The following WDPCP variants were observed in gnomAD, a reference collection of about 807,000 sequenced individuals.
WDPCP encodes WD repeat-containing and planar cell polarity effector protein fritz homolog.
WDPCP carries 71 observed loss-of-function variants against 93.1 expected under a neutral mutation model. The observed-to-expected ratio is 0.76, with a 90% CI of 0.63 to 0.93. The LOEUF (loss-of-function observed/expected upper bound fraction) is 0.93, where lower values mean the gene tolerates loss of function less well. Among genes scored for constraint, WDPCP ranks in the 40% least tolerant of loss-of-function variants. WDPCP has a pLI of 0.00. For missense variants in WDPCP, 844 were observed against 887.4 expected (o/e 0.95, Z 0.62); for synonymous variants, 315 against 315.0 (o/e 1.00, Z 0.00).
chr2:63,234,873 A>T (rs1679246073), intron 14 of WDPCP, among the ~76,000 whole-genome samples: 1 of 152,170 alleles, frequency 6.6e-6, no homozygotes, highest in Admixed American at 6.5e-5. Flanking sequence ...CAGATTAATA[A>T]CTATTTGTAA....
At chr2:63,817,770 A>G (rs1032299933) in intron 1 of WDPCP, among the ~76,000 whole-genome samples, 2 of 152,186 alleles carry the variant, frequency 1.3e-5, no homozygotes. Flanking sequence ...AGTGAGGGGG[A>G]AAAATTATAG....
At position 63,405,532 on chromosome 2, in the gene WDPCP, AGTGTGTGTGTGTGTGTGTGTGTGT is replaced by A. The variant is rs55807956; in HGVS notation, c.826-899_826-876del. Among the ~76,000 whole-genome samples, 173 of 125,008 alleles carry A rather than the reference AGTGTGTGTGTGTGTGTGTGTGTGT, an allele frequency of 1.4e-3. 1 individual carries two copies. In the Middle Eastern group the frequency reaches 0.021, roughly 15 times the overall value. 82.0% of individuals were successfully genotyped at this position (125,008 alleles called of 152,430 possible). A position where few individuals can be genotyped will look rare whatever the true frequency, so the allele number is the denominator to read the frequency against. On this transcript the variant is annotated intron_variant, in intron 9 of 17. Transcript: ENST00000272321. ...GCTAAGTATATGCAGATTTTGGTATAGTGTGTGTGTGTGTGTGTGTGTGTGTGTGTGTGTGTGTGTGTGTGTGTG... is the reference window on the plus strand; with the variant it reads ...GCTAAGTATATGCAGATTTTGGTATAGTGTGTGTGTGTGTGTGTGTGTGTG...
At chr2:63,612,657 CCTTT>C (rs1709625738) in intron 3 of WDPCP, among the ~76,000 whole-genome samples, 1 of 152,148 alleles carries the variant, frequency 6.6e-6, no homozygotes, top group African/African-American at 2.4e-5. Flanking sequence ...AAAACCTTTT[CCTTT>C]GTCTTGTCAC....
intron 2 of WDPCP, among the ~76,000 whole-genome samples, chr2:63,734,870 TAGACAGACAGACAGACAGAC>T (rs10586648): frequency 2.3e-3 from 319 of 141,442 alleles, no homozygotes; most frequent in African/African-American, 8.2e-3. Flanking sequence ...GATAGATAGA[TAGACAGACAGACAGACAGAC>T]AGACAGACAG....
intron 17 of WDPCP, among the ~76,000 whole-genome samples, chr2:63,127,102 A>C (rs1284000894): frequency 6.6e-6 from 1 of 151,222 alleles, no homozygotes; most frequent in East Asian, 2.0e-4. Flanking sequence ...GCTGAGATAA[A>C]GTATGTTGAC....
intron 14 of WDPCP, among the ~76,000 whole-genome samples, chr2:63,244,973 C>A (rs577598882): frequency 3.3e-5 from 5 of 152,222 alleles, no homozygotes; most frequent in African/African-American, 9.6e-5. Context: ...AATCCAAAAT[C>A]TGAAGTGATC....
intron 2 of WDPCP, among the ~76,000 whole-genome samples, chr2:63,656,823 G>A (rs903016016): frequency 1.4e-4 from 22 of 152,238 alleles, no homozygotes; most frequent in Admixed American, 1.4e-3. Flanking sequence ...AAGGAAAAGT[G>A]AAGAAGAGCA....
At chr2:63,233,175 A>G (rs567102475) in intron 14 of WDPCP, 4 of 154,562 alleles carry the variant, frequency 2.6e-5, no homozygotes, top group African/African-American at 7.2e-5. Flanking sequence ...TTTAAATTGC[A>G]GCTTCATTTG....
chr2:63,830,848 T>C (rs1031800379), upstream of WDPCP, among the ~76,000 whole-genome samples: 4 of 152,214 alleles, frequency 2.6e-5, no homozygotes, highest in Admixed American at 1.3e-4. Flanking sequence ...TATATGCTCT[T>C]ATCCATTCTC....
At chr2:63,205,936 A>G (rs1165400529) in intron 14 of WDPCP, among the ~76,000 whole-genome samples, 2 of 152,124 alleles carry the variant, frequency 1.3e-5, no homozygotes, top group African/African-American at 2.4e-5. Flanking sequence ...TTTTTTTCTC[A>G]TTCGGTATGT....
chr2:63,791,475 T>C (rs993162160), intron 2 of WDPCP, among the ~76,000 whole-genome samples: 1 of 152,198 alleles, frequency 6.6e-6, no homozygotes, highest in African/African-American at 2.4e-5. Context: ...TCCTGCTTTT[T>C]ATACCCATAG....
chr2:63,684,268 C>T (rs1575746936), intron 2 of WDPCP: 4 of 523,576 alleles, frequency 7.6e-6, no homozygotes, highest in South Asian at 1.8e-5. Context: ...TAGTAAGAAA[C>T]GCCCTTTTTG....
At chr2:63,259,540 T>G (rs1295629503) in intron 13 of WDPCP, 131 bp from the exon 14 acceptor site, 2 of 804,804 alleles carry the variant, frequency 2.5e-6, no homozygotes, top group African/African-American at 3.5e-5. Flanking sequence ...TTTCTGTGTT[T>G]TAAGTTTCTT....
chr2:63,669,163 T>G (rs1710317477), intron 2 of WDPCP, among the ~76,000 whole-genome samples: 1 of 152,206 alleles, frequency 6.6e-6, no homozygotes, highest in African/African-American at 2.4e-5. Flanking sequence ...GGAGAAAGAT[T>G]CGTCATTAGC....
At position 63,588,477 on chromosome 2, in the gene WDPCP, C is replaced by G. The variant is rs1235203542; in HGVS notation, c.-206G>C. ...AAGCTGTCCGGTCGTCCCAACTTATCAATTCCCCCGCCCCTCCAGAGTGTC... is the reference window on the plus strand; with the variant it reads ...AAGCTGTCCGGTCGTCCCAACTTATGAATTCCCCCGCCCCTCCAGAGTGTC... On this transcript the variant is annotated 5_prime_UTR_variant, in exon 1 of 18. Transcript: ENST00000272321. The G allele has an allele frequency of 4.6e-6, 3 of 658,714 alleles. No individual in the cohort carries two copies. The highest frequency in any genetic ancestry group is 1.8e-5 in the African/African-American group (1 of 55,518). The allele number at this position is 658,714 out of a possible 1,614,324, so 40.8% of individuals were successfully genotyped here. A position where few individuals can be genotyped will look rare whatever the true frequency, so the allele number is the denominator to read the frequency against.
intron 12 of WDPCP, among the ~76,000 whole-genome samples, chr2:63,370,495 T>G (rs1691287803): frequency 6.6e-6 from 1 of 152,180 alleles, no homozygotes; most frequent in Non-Finnish European, 1.5e-5. Context: ...TCTTAGAATT[T>G]TTTAAAGATG....
chr2:63,571,212 G>A (rs923981151), intron 1 of WDPCP, among the ~76,000 whole-genome samples: 2 of 152,000 alleles, frequency 1.3e-5, no homozygotes, highest in African/African-American at 4.8e-5. Context: ...CGCCTGGTCA[G>A]GGTAAATTAT....
chr2:63,281,691 G>A (rs1683562673), intron 13 of WDPCP, among the ~76,000 whole-genome samples: 1 of 152,280 alleles, frequency 6.6e-6, no homozygotes, highest in South Asian at 2.1e-4. Flanking sequence ...GGATGGAATT[G>A]GAGACTATTA....
At chr2:63,288,943 AT>A (rs929275788) in intron 13 of WDPCP, among the ~76,000 whole-genome samples, 2 of 149,346 alleles carry the variant, frequency 1.3e-5, no homozygotes, top group Non-Finnish European at 3.0e-5. Context: ...TGGGTTATGC[AT>A]TTTTTTTTCA....
Sources: gnomAD v4.1 joint callset for allele counts (sites outside exome capture counted in the v4.1 genomes callset) on GRCh38, gnomAD v4.1.1 for gene constraint, MANE v1.5 for transcripts, NCBI Gene and HGNC (gene_info 2026-07-23, HGNC 2026-07-21) for gene names.